Variants in LCORL observed in about 807,000 individuals in gnomAD.
LCORL encodes ligand dependent nuclear receptor corepressor like.
Under a neutral mutation model 141.8 loss-of-function variants are expected in LCORL, and 41 were observed. The ratio of observed to expected loss-of-function variants is 0.29; its 90% CI spans 0.23 to 0.38. LCORL has a LOEUF of 0.38. LCORL is among the 10% of genes least tolerant of loss of function. LCORL has a pLI of 1.00. For missense variants in LCORL, 1,759 were observed against 2,035.0 expected, an observed-to-expected ratio of 0.86 and a Z score of 2.61; for synonymous variants, 618 against 694.1, an observed-to-expected ratio of 0.89 and a Z score of 1.72.
chr4:17,846,172 A>G (rs1722909173), intron 7 of LCORL, among the ~76,000 whole-genome samples: 1 of 152,140 alleles, frequency 6.6e-6, no homozygotes, highest in Non-Finnish European at 1.5e-5. Flanking sequence ...TACATCAGAA[A>G]TTATTTAACC....
intron 1 of LCORL, among the ~76,000 whole-genome samples, chr4:18,018,858 T>TTA (rs767746773): frequency 6.6e-6 from 1 of 152,212 alleles, no homozygotes; most frequent in Non-Finnish European, 1.5e-5. Flanking sequence ...GCACCGAATA[T>TTA]TATATATATA....
At chr4:17,883,617 C>T (rs1226063535) in intron 6 of LCORL, 5 of 1,379,012 alleles carry the variant, frequency 3.6e-6, no homozygotes, top group Non-Finnish European at 4.7e-6. Flanking sequence ...ATTTGTAATT[C>T]CCACGTGTGT....
intron 4 of LCORL, among the ~76,000 whole-genome samples, chr4:17,952,356 C>G (rs939670288): frequency 6.6e-6 from 1 of 151,864 alleles, no homozygotes; most frequent in Non-Finnish European, 1.5e-5. Context: ...TTTAGAAAAA[C>G]TCCTAACAAA....
chr4:17,972,358 T>G (rs1171459687), intron 2 of LCORL, among the ~76,000 whole-genome samples: 1 of 151,776 alleles, frequency 6.6e-6, no homozygotes, highest in Non-Finnish European at 1.5e-5. Flanking sequence ...ATTCACGTGT[T>G]TCACTAAGAC....
At chr4:17,875,133 G>T (rs181352281) in exon 7 of LCORL, 2 of 1,232,788 alleles carry the variant, frequency 1.6e-6, no homozygotes, top group Non-Finnish European at 2.0e-6. Context: ...TTTTCCTGAC[G>T]TATTATCCTG....
chr4:17,965,168 A>G (rs1482361456), intron 2 of LCORL, among the ~76,000 whole-genome samples: 1 of 152,138 alleles, frequency 6.6e-6, no homozygotes, highest in Admixed American at 6.6e-5. Context: ...TTGAATATAA[A>G]GACCATTAAA....
chr4:17,887,125 TAAAAC>T (rs1423130250), intron 5 of LCORL, among the ~76,000 whole-genome samples: 3 of 151,636 alleles, frequency 2.0e-5, no homozygotes, highest in African/African-American at 2.4e-5. Context: ...AGATGAAAAA[TAAAAC>T]AAAACATCCT....
chr4:17,866,946 C>A, intron 7 of LCORL: 2 of 980,470 alleles, frequency 2.0e-6, no homozygotes, highest in Non-Finnish European at 2.4e-6. Flanking sequence ...CAATCTCCTT[C>A]TAGCAGGTGG....
At chr4:17,904,907 A>G (rs1405732168) in intron 5 of LCORL, among the ~76,000 whole-genome samples, 3 of 152,188 alleles carry the variant, frequency 2.0e-5, no homozygotes, top group Non-Finnish European at 4.4e-5. Context: ...AAATCCTGTC[A>G]GAATTCTGCC....
At chr4:17,878,793 A>C (rs7700107) in intron 6 of LCORL, among the ~76,000 whole-genome samples, 20,558 of 151,268 alleles carry the variant, frequency 0.14, 1,635 homozygotes, top group South Asian at 0.3. Flanking sequence ...TCTATTTTTA[A>C]TTGATGTTAA....
intron 5 of LCORL, among the ~76,000 whole-genome samples, chr4:17,899,340 A>G (rs1730506367): frequency 6.6e-6 from 1 of 152,142 alleles, no homozygotes; most frequent in African/African-American, 2.4e-5. Flanking sequence ...TAGCTAAGAC[A>G]GAAATGATGA....
At chr4:17,849,416 G>C (rs1176829330) in intron 7 of LCORL, among the ~76,000 whole-genome samples, 1 of 152,104 alleles carries the variant, frequency 6.6e-6, no homozygotes, top group African/African-American at 2.4e-5. Flanking sequence ...AGGCAAACAG[G>C]GTCTGGAGTG....
intron 5 of LCORL, among the ~76,000 whole-genome samples, chr4:17,887,631 A>G (rs1728469753): frequency 6.6e-6 from 1 of 152,206 alleles, no homozygotes; most frequent in Non-Finnish European, 1.5e-5. Flanking sequence ...GAAATGTTAT[A>G]GGAAGAGGTT....
chr4:17,950,226 T>C (rs908410750), intron 4 of LCORL, among the ~76,000 whole-genome samples: 1 of 152,172 alleles, frequency 6.6e-6, no homozygotes, highest in African/African-American at 2.4e-5. Flanking sequence ...TATGAAGGTA[T>C]TCATGATGTT....
At chr4:17,842,074 C>A in exon 8 of LCORL, 1 of 393,026 alleles carries the variant, frequency 2.5e-6, no homozygotes, top group Non-Finnish European at 4.7e-6. Context: ...TTGAAATTTC[C>A]TTATTTTCCC....
chr4:17,883,713 A>T, intron 6 of LCORL: 4 of 1,513,280 alleles, frequency 2.6e-6, no homozygotes, highest in Non-Finnish European at 2.7e-6. Context: ...TTTTCCTAAC[A>T]AGTAATCTAC....
chr4:18,016,180 AC>A (rs1174630955), intron 1 of LCORL, among the ~76,000 whole-genome samples: 1 of 152,004 alleles, frequency 6.6e-6, no homozygotes, highest in Non-Finnish European at 1.5e-5. Context: ...AACCAATCAT[AC>A]TAGCAAACAC....
intron 6 of LCORL, among the ~76,000 whole-genome samples, chr4:17,879,092 T>C (rs1484266292): frequency 6.6e-6 from 1 of 151,248 alleles, no homozygotes; most frequent in Non-Finnish European, 1.5e-5. Context: ...ATTACATTTG[T>C]TGTTTTTAAT....
intron 2 of LCORL, among the ~76,000 whole-genome samples, chr4:17,968,239 C>T (rs1715297384): frequency 6.6e-6 from 1 of 152,192 alleles, no homozygotes; most frequent in African/African-American, 2.4e-5. Flanking sequence ...ATCACAATTA[C>T]ATTTGCACCA....
Sources: gnomAD v4.1 joint callset for allele counts (sites outside exome capture counted in the v4.1 genomes callset) on GRCh38, gnomAD v4.1.1 for gene constraint, MANE v1.5 for transcripts, NCBI Gene and HGNC (gene_info 2026-07-23, HGNC 2026-07-21) for gene names.